The following WWC1 variants were observed in gnomAD, a reference collection of about 807,000 sequenced individuals.
WWC1 encodes protein KIBRA.
In WWC1, 55 loss-of-function variants were observed where a neutral mutation model predicts 138.4. The ratio of observed to expected loss-of-function variants is 0.40; its 90% CI spans 0.32 to 0.50. WWC1 has a LOEUF of 0.50. WWC1 is among the 20% of genes least tolerant of loss of function. WWC1 has a pLI of 0.72. For synonymous variants in WWC1, 524 were observed against 564.9 expected, an observed-to-expected ratio of 0.93 and a Z score of 1.03; for missense variants, 1,226 against 1,420.4, an observed-to-expected ratio of 0.86 and a Z score of 2.20.
rs550377651 is a variant in WWC1, at chr5:168,296,716, C to A, written c.119+4445C>A. ...ACCCTGGGACTAGGTACAATTATTA[C>A]CCACCTGAACTACCCAATGCTCAGG... On this transcript the variant is annotated intron_variant, in intron 1 of 22. Coordinates refer to ENST00000265293, the MANE Select transcript of WWC1 (RefSeq NM_015238.3). 2.6e-5 allele frequency among the ~76,000 whole-genome samples: 4 copies of A among 152,306 alleles called. No homozygotes were observed. The South Asian group carries it at 8.3e-4, about 32-fold the overall frequency.
At chr5:168,391,760 C>CGT (rs1778522476) in intron 3 of WWC1, among the ~76,000 whole-genome samples, 1 of 110,564 alleles carries the variant, frequency 9.0e-6, no homozygotes, top group East Asian at 2.8e-4. Flanking sequence ...ATTTTTAAGG[C>CGT]ATATATATAT....
chr5:168,348,167 G>A (rs1417461584), intron 1 of WWC1, among the ~76,000 whole-genome samples: 2 of 152,178 alleles, frequency 1.3e-5, no homozygotes, highest in African/African-American at 2.4e-5. Flanking sequence ...GTTTCCTGAA[G>A]GTGGCCAAGA....
At chr5:168,304,878 T>C (rs1770410473) in intron 1 of WWC1, among the ~76,000 whole-genome samples, 1 of 150,804 alleles carries the variant, frequency 6.6e-6, no homozygotes, top group Non-Finnish European at 1.5e-5. Flanking sequence ...CAGGTTGGAG[T>C]GCAATGGTGC....
chr5:168,301,217 A>T (rs945239244), intron 1 of WWC1, among the ~76,000 whole-genome samples: 2 of 152,216 alleles, frequency 1.3e-5, no homozygotes, highest in African/African-American at 2.4e-5. Flanking sequence ...AAAAATGTGT[A>T]TGTGTTTGTT....
chr5:168,374,940 C>G (rs1777055708), intron 2 of WWC1, among the ~76,000 whole-genome samples: 3 of 152,176 alleles, frequency 2.0e-5, no homozygotes, highest in African/African-American at 7.2e-5. Context: ...AGAATAACTT[C>G]TGGAGCTGAG....
chr5:168,456,365 G>A (rs1208533748), intron 19 of WWC1, among the ~76,000 whole-genome samples: 1 of 151,176 alleles, frequency 6.6e-6, no homozygotes, highest in Non-Finnish European at 1.5e-5. Flanking sequence ...GGGCGCAGTG[G>A]CTCATGCCTG....
At chr5:168,334,252 A>T (rs527284545) in intron 1 of WWC1, among the ~76,000 whole-genome samples, 1 of 149,580 alleles carries the variant, frequency 6.7e-6, no homozygotes, top group African/African-American at 2.5e-5. Context: ...ACAACAAAAA[A>T]CTCTTCTCTC....
intron 1 of WWC1, among the ~76,000 whole-genome samples, chr5:168,300,710 C>G (rs915034653): frequency 6.6e-6 from 1 of 152,086 alleles, no homozygotes; most frequent in East Asian, 1.9e-4. Flanking sequence ...CTGACTTTCC[C>G]CAGTCGGCTG....
At chr5:168,310,141 A>G (rs910212843) in intron 1 of WWC1, among the ~76,000 whole-genome samples, 4 of 152,170 alleles carry the variant, frequency 2.6e-5, no homozygotes, top group Non-Finnish European at 5.9e-5. Flanking sequence ...CCTCATCTGT[A>G]AGAATGAGAA....
chr5:168,362,213 G>T (rs1170760522), intron 1 of WWC1, among the ~76,000 whole-genome samples: 1 of 152,226 alleles, frequency 6.6e-6, no homozygotes, highest in African/African-American at 2.4e-5. Context: ...AGGTCTGAAT[G>T]GTACCTGCCT....
intron 20 of WWC1, among the ~76,000 whole-genome samples, chr5:168,463,099 G>A (rs1463032559): frequency 6.6e-6 from 1 of 152,174 alleles, no homozygotes; most frequent in Non-Finnish European, 1.5e-5. Flanking sequence ...ATTGGTCATT[G>A]TATTTGTTTT....
At chr5:168,466,937 C>T (rs1218702595) in intron 21 of WWC1, among the ~76,000 whole-genome samples, 2 of 151,770 alleles carry the variant, frequency 1.3e-5, no homozygotes, top group Non-Finnish European at 2.9e-5. Flanking sequence ...AAAAAATTAG[C>T]ATCTATGACT....
intron 5 of WWC1, among the ~76,000 whole-genome samples, chr5:168,404,249 A>G (rs925826770): frequency 1.3e-5 from 2 of 152,186 alleles, no homozygotes; most frequent in African/African-American, 4.8e-5. Context: ...TGCAGCCCCT[A>G]TGCCCATCTG....
At chr5:168,313,419 C>T (rs1352788700) in intron 1 of WWC1, among the ~76,000 whole-genome samples, 4 of 151,982 alleles carry the variant, frequency 2.6e-5, no homozygotes, top group African/African-American at 7.2e-5. Flanking sequence ...GGCGAAACCC[C>T]GTCTCTACTA....
chr5:168,305,436 A>G (rs903201412), intron 1 of WWC1, among the ~76,000 whole-genome samples: 5 of 152,158 alleles, frequency 3.3e-5, no homozygotes, highest in Admixed American at 2.6e-4. Context: ...CAGGCTCCAT[A>G]GCATCCTGTG....
chr5:168,397,883 C>T, intron 4 of WWC1, 83 bp downstream of exon 4: 2 of 1,449,292 alleles, frequency 1.4e-6, no homozygotes, highest in South Asian at 1.1e-5. Flanking sequence ...AAGACCAGAA[C>T]AGATGCTCCA....
chr5:168,432,714 C>A (rs1782045545), intron 15 of WWC1, among the ~76,000 whole-genome samples: 1 of 152,142 alleles, frequency 6.6e-6, no homozygotes, highest in Admixed American at 6.5e-5. Context: ...GGGAACCAAA[C>A]AGACAAGGTG....
chr5:168,448,380 G>C (rs6555812), intron 17 of WWC1, among the ~76,000 whole-genome samples: 118,979 of 152,126 alleles, frequency 0.78, 47,066 homozygotes, highest in African/African-American at 0.9. Flanking sequence ...GTCTTTAAAT[G>C]ATATAATCAG....
At chr5:168,460,529 G>A in intron 19 of WWC1, 121 bp from the exon 20 acceptor site, 1 of 843,008 alleles carries the variant, frequency 1.2e-6, no homozygotes. Context: ...AAACCTGGGT[G>A]TTTGCAGAAG....
Sources: gnomAD v4.1 joint callset for allele counts (sites outside exome capture counted in the v4.1 genomes callset) on GRCh38, gnomAD v4.1.1 for gene constraint, MANE v1.5 for transcripts, NCBI Gene and HGNC (gene_info 2026-07-23, HGNC 2026-07-21) for gene names.